Variants in ATG4C observed in about 807,000 individuals in gnomAD.
ATG4C encodes autophagy related 4C cysteine peptidase.
Under a neutral mutation model 57.6 loss-of-function variants are expected in ATG4C, and 56 were observed. The observed-to-expected ratio is 0.97, with a 90% CI of 0.78 to 1.21. The LOEUF is 1.21. Among genes scored for constraint, ATG4C ranks in the 50% most tolerant of loss-of-function variants. The probability of loss-of-function intolerance (pLI) is 0.00; values close to 1 mark genes in which losing one functional copy is unlikely to be tolerated. For synonymous variants in ATG4C, 157 were observed against 174.1 expected (o/e 0.90, Z 0.78); for missense variants, 595 against 529.8 (o/e 1.12, Z -1.21).
intron 10 of ATG4C, among the ~76,000 whole-genome samples, chr1:62,850,850 G>A (rs1427912660): frequency 1.5e-4 from 5 of 33,544 alleles, no homozygotes; most frequent in South Asian, 1.8e-3. Context: ...GTGTGTGTAT[G>A]TATGTATATA....
At chr1:62,797,247 CTTTT>C (rs1264325486) in intron 1 of ATG4C, among the ~76,000 whole-genome samples, 6 of 151,922 alleles carry the variant, frequency 3.9e-5, no homozygotes, top group Admixed American at 3.9e-4. Context: ...TGCTGTTCCC[CTTTT>C]TTTCTCACTC....
At chr1:62,833,548 A>T (rs1665905705) in intron 7 of ATG4C, among the ~76,000 whole-genome samples, 3 of 152,182 alleles carry the variant, frequency 2.0e-5, no homozygotes, top group African/African-American at 7.2e-5. Flanking sequence ...GAAGTAGCAT[A>T]AAAAATTTGA....
Position 62,816,825 on chromosome 1 carries a change from T to TTTTGG in ATG4C, c.394+20_394+21insGGTTT, listed in dbSNP as rs772727247. On this transcript the variant is annotated intron_variant, in intron 4 of 10. Coordinates refer to ENST00000317868, the MANE Select transcript of ATG4C (RefSeq NM_032852.4). ...TTGGTAGAGGTAAATCAAATTTCTGTTTTTGTTTTGTTTTGTTTTGTTTTT... is the reference window on the plus strand; with the variant it reads ...TTGGTAGAGGTAAATCAAATTTCTGTTTTGGTTTTGTTTTGTTTTGTTTTGTTTTT... The TTTTGG allele has an allele frequency of 6.7e-7, 1 of 1,485,760 alleles. No homozygotes were observed. The highest frequency in any genetic ancestry group is 1.4e-5 in the African/African-American group (1 of 69,956). The allele number at this position is 1,485,760 out of a possible 1,614,324, so 92.0% of individuals were successfully genotyped here. A position where few individuals can be genotyped will look rare whatever the true frequency, so the allele number is the denominator to read the frequency against.
intron 1 of ATG4C, among the ~76,000 whole-genome samples, chr1:62,794,812 A>G (rs1664405497): frequency 2.0e-5 from 3 of 152,076 alleles, no homozygotes; most frequent in Admixed American, 2.0e-4. Flanking sequence ...AGAAATGGAC[A>G]CAATAATTGA....
At chr1:62,846,069 C>T (rs916051605) in intron 10 of ATG4C, among the ~76,000 whole-genome samples, 2 of 152,160 alleles carry the variant, frequency 1.3e-5, no homozygotes, top group African/African-American at 2.4e-5. Flanking sequence ...ATTAATAGTT[C>T]ATTAATATGG....
chr1:62,862,528 A>G (rs1666887170), intron 10 of ATG4C, among the ~76,000 whole-genome samples: 1 of 152,058 alleles, frequency 6.6e-6, no homozygotes, highest in Non-Finnish European at 1.5e-5. Flanking sequence ...TCAGATGCCA[A>G]TACTCTCTGC....
intron 8 of ATG4C, 114 bp downstream of exon 8, chr1:62,834,230 A>G (rs1665928526): frequency 1.2e-6 from 1 of 858,688 alleles, no homozygotes; most frequent in Admixed American, 2.4e-5. Flanking sequence ...TACCTTATAC[A>G]TTCATCAGTC....
At chr1:62,801,730 G>A (rs544089740) in intron 1 of ATG4C, among the ~76,000 whole-genome samples, 5 of 151,808 alleles carry the variant, frequency 3.3e-5, no homozygotes, top group African/African-American at 1.2e-4. Flanking sequence ...AGGCCGAGGC[G>A]GGCGGATCAC....
At position 62,865,412 on chromosome 1, in the gene ATG4C, G is replaced by A. The variant is rs1410754323; in HGVS notation, c.*1253G>A. On this transcript the variant is annotated 3_prime_UTR_variant, in exon 11 of 11. Coordinates refer to ENST00000317868, the MANE Select transcript of ATG4C (RefSeq NM_032852.4). ...TAGAGTTGCATGTAAAGCTGAAAGA[G>A]AGGGTGGGCGGATTGTTTTAGTATA... 1 of 151,904 alleles carries A rather than the reference G, an allele frequency of 6.6e-6. No homozygotes were observed. Among genetic ancestry groups the A allele is most frequent in the Non-Finnish European group, 1.5e-5 (1 of 67,848 alleles). 9.4% of individuals were successfully genotyped at this position (151,904 alleles called of 1,614,324 possible). A position where few individuals can be genotyped will look rare whatever the true frequency, so the allele number is the denominator to read the frequency against.
chr1:62,856,716 A>G (rs1666694562), intron 10 of ATG4C, among the ~76,000 whole-genome samples: 3 of 152,166 alleles, frequency 2.0e-5, no homozygotes, highest in Admixed American at 2.0e-4. Flanking sequence ...GTAGAGTGAG[A>G]TAGTTGTCAG....
chr1:62,844,244 GA>G (rs1183094508), intron 10 of ATG4C, among the ~76,000 whole-genome samples: 4 of 152,140 alleles, frequency 2.6e-5, no homozygotes, highest in African/African-American at 9.7e-5. Flanking sequence ...CCAAATTTGA[GA>G]ACCACTTGCA....
intron 1 of ATG4C, among the ~76,000 whole-genome samples, chr1:62,801,657 T>TA (rs764188974): frequency 3.3e-4 from 46 of 140,828 alleles, no homozygotes; most frequent in Admixed American, 1.4e-3. Flanking sequence ...GACTCCATCT[T>TA]AAAAAAAAAA....
intron 3 of ATG4C, among the ~76,000 whole-genome samples, chr1:62,815,170 A>G (rs900725328): frequency 1.4e-5 from 2 of 146,770 alleles, no homozygotes; most frequent in Non-Finnish European, 1.5e-5. Context: ...TTTGCTTTCT[A>G]TTTGTTAAAT....
intron 5 of ATG4C, among the ~76,000 whole-genome samples, chr1:62,819,744 C>T (rs964283390): frequency 3.3e-5 from 5 of 151,682 alleles, no homozygotes; most frequent in Non-Finnish European, 7.4e-5. Context: ...TTGATATTTT[C>T]GGCATTTCTT....
Position 62,816,755 on chromosome 1 carries a change from G to A in ATG4C, c.341G>A (p.Arg114Lys). The A allele has an allele frequency of 6.2e-7, 1 of 1,612,744 alleles. No individual in the cohort carries two copies. The change falls in exon 4 of 11, where the codon AGA becomes AAA. Residue 114 changes from arginine (R) to lysine (K), a missense_variant. By Grantham distance (26) the Arg-to-Lys change is conservative (BLOSUM62 2). Transcript: ENST00000317868. ...TTDCGWGCTL[R>K]TGQMLLAQGL... ...GACTGTGGGTGGGGCTGCACATTGA[G>A]AACTGGCCAGATGCTCTTGGCTCAA...
intron 3 of ATG4C, among the ~76,000 whole-genome samples, chr1:62,815,792 C>T (rs1012113576): frequency 2.0e-5 from 3 of 152,212 alleles, no homozygotes; most frequent in Non-Finnish European, 2.9e-5. Context: ...TCAAACGATT[C>T]CCTTGCCTCA....
intron 5 of ATG4C, among the ~76,000 whole-genome samples, chr1:62,819,683 A>C (rs772338578): frequency 6.6e-6 from 1 of 151,928 alleles, no homozygotes; most frequent in Non-Finnish European, 1.5e-5. Context: ...TAATAGTGTA[A>C]CCTGGGGGCT....
chr1:62,839,519 T>C (rs1033331135), intron 9 of ATG4C, among the ~76,000 whole-genome samples: 6 of 152,220 alleles, frequency 3.9e-5, no homozygotes, highest in Non-Finnish European at 8.8e-5. Flanking sequence ...TCGAATGAGC[T>C]GGGCAAATGG....
At chr1:62,788,456 CA>C (rs1356278644) in intron 1 of ATG4C, among the ~76,000 whole-genome samples, 6 of 146,052 alleles carry the variant, frequency 4.1e-5, no homozygotes, top group African/African-American at 1.5e-4. Flanking sequence ...CACACACACA[CA>C]CACCTTTTTT....
Sources: gnomAD v4.1 joint callset for allele counts (sites outside exome capture counted in the v4.1 genomes callset) on GRCh38, gnomAD v4.1.1 for gene constraint, MANE v1.5 for transcripts, NCBI Gene and HGNC (gene_info 2026-07-23, HGNC 2026-07-21) for gene names.